ZHX2: variants seen among roughly 807,000 people sequenced by gnomAD.
The protein encoded by ZHX2 is zinc fingers and homeoboxes protein 2.
ZHX2 carries 6 observed loss-of-function variants against 21.9 expected under a neutral mutation model. That is an observed-to-expected ratio of 0.27 (90% CI 0.15 to 0.54). The LOEUF is 0.54. Among genes scored for constraint, ZHX2 ranks in the 20% least tolerant of loss-of-function variants. The probability of loss-of-function intolerance (pLI) is 0.95; values close to 1 mark genes in which losing one functional copy is unlikely to be tolerated. For synonymous variants in ZHX2, 434 were observed against 437.1 expected, an observed-to-expected ratio of 0.99 and a Z score of 0.09; for missense variants, 908 against 1,090.7, an observed-to-expected ratio of 0.83 and a Z score of 2.36.
intron 3 of ZHX2, among the ~76,000 whole-genome samples, chr8:122,965,881 C>T (rs1469074293): frequency 6.6e-6 from 1 of 152,040 alleles, no homozygotes; most frequent in Admixed American, 6.6e-5. Flanking sequence ...TATTGAACTA[C>T]TTCTTTTATC....
chr8:122,895,949 T>C (rs953814), intron 2 of ZHX2, among the ~76,000 whole-genome samples: 6 of 152,128 alleles, frequency 3.9e-5, no homozygotes, highest in Non-Finnish European at 8.8e-5. Context: ...TTGCAATCAG[T>C]GATTCATCAG....
At chr8:122,958,180 T>G (rs747722264) in intron 3 of ZHX2, among the ~76,000 whole-genome samples, 2 of 152,194 alleles carry the variant, frequency 1.3e-5, no homozygotes, top group Non-Finnish European at 2.9e-5. Flanking sequence ...ACCAAATCTC[T>G]CTAACCTCTG....
chr8:122,948,152 G>A (rs1294861776), intron 2 of ZHX2, among the ~76,000 whole-genome samples: 1 of 152,158 alleles, frequency 6.6e-6, no homozygotes, highest in African/African-American at 2.4e-5. Context: ...CCCTAAGCAG[G>A]TGGGCGTGGG....
At chr8:122,960,860 A>G (rs556060173) in intron 3 of ZHX2, among the ~76,000 whole-genome samples, 138 of 152,320 alleles carry the variant, frequency 9.1e-4, no homozygotes, top group African/African-American at 3.2e-3. Context: ...AGAAAGTTTG[A>G]TGCCCTCTGA....
At chr8:122,847,218 C>T (rs1640012057) in intron 1 of ZHX2, among the ~76,000 whole-genome samples, 1 of 152,124 alleles carries the variant, frequency 6.6e-6, no homozygotes, top group Admixed American at 6.5e-5. Context: ...GAAATTCTTC[C>T]GTCCTCTGTG....
chr8:122,873,429 C>T (rs2129714574), intron 2 of ZHX2, among the ~76,000 whole-genome samples: 1 of 152,320 alleles, frequency 6.6e-6, no homozygotes, highest in East Asian at 1.9e-4. Context: ...CTTCTCTCCA[C>T]TCCCCTGCAG....
At chr8:122,806,340 A>G (rs1817823345) in intron 1 of ZHX2, among the ~76,000 whole-genome samples, 1 of 152,168 alleles carries the variant, frequency 6.6e-6, no homozygotes, top group Non-Finnish European at 1.5e-5. Context: ...CTTGGCCCCT[A>G]CCCAATAGAG....
At chr8:122,972,221 T>C (rs912672305) in intron 3 of ZHX2, among the ~76,000 whole-genome samples, 1 of 152,234 alleles carries the variant, frequency 6.6e-6, no homozygotes, top group Admixed American at 6.5e-5. Flanking sequence ...TCACTTGATT[T>C]AACTGTGTTA....
chr8:122,796,354 GA>G (rs1351703365), intron 1 of ZHX2, among the ~76,000 whole-genome samples: 1 of 152,102 alleles, frequency 6.6e-6, no homozygotes. Flanking sequence ...TCATCCTCAA[GA>G]CACTGTCCTC....
At position 122,951,986 on chromosome 8, in the gene ZHX2, C is replaced by G. The variant is rs1385218494; in HGVS notation, c.476C>G (p.Thr159Ser). 1 of 1,613,696 alleles carries G rather than the reference C, an allele frequency of 6.2e-7. No homozygotes were observed. The highest frequency in any genetic ancestry group is 1.3e-5 in the African/African-American group (1 of 74,770). The change falls in exon 3 of 4, where the codon ACC (threonine) becomes AGC (serine). Residue 159 changes from threonine (T) to serine (S), a missense_variant. Coordinates refer to ENST00000314393, the MANE Select transcript of ZHX2 (RefSeq NM_014943.5). ...QTVLEQSIET[T>S]NHVVSITTSG... ...GTCTTGGAACAGTCCATCGAAACCA[C>G]CAACCATGTCGTGTCCATCACCACC...
At chr8:122,940,360 G>GA (rs1812811318) in intron 2 of ZHX2, among the ~76,000 whole-genome samples, 2 of 152,160 alleles carry the variant, frequency 1.3e-5, no homozygotes, top group African/African-American at 4.8e-5. Context: ...CGGGGCTCCC[G>GA]GTTCACATGG....
chr8:122,845,765 G>A (rs539570152), intron 1 of ZHX2, among the ~76,000 whole-genome samples: 1 of 152,260 alleles, frequency 6.6e-6, no homozygotes, highest in East Asian at 1.9e-4. Context: ...CCATTTCACA[G>A]GTAAGGAAAC....
At chr8:122,916,139 G>A (rs554609194) in intron 2 of ZHX2, among the ~76,000 whole-genome samples, 3 of 152,320 alleles carry the variant, frequency 2.0e-5, no homozygotes, top group Non-Finnish European at 2.9e-5. Context: ...CAGAGCATCC[G>A]CCTGGCTCTT....
At chr8:122,859,848 G>C (rs1375035048) in intron 1 of ZHX2, among the ~76,000 whole-genome samples, 1 of 152,188 alleles carries the variant, frequency 6.6e-6, no homozygotes, top group African/African-American at 2.4e-5. Flanking sequence ...GCATAGCACA[G>C]AATCAGATAT....
At chr8:122,799,350 C>T (rs1817673243) in intron 1 of ZHX2, among the ~76,000 whole-genome samples, 1 of 152,154 alleles carries the variant, frequency 6.6e-6, no homozygotes, top group African/African-American at 2.4e-5. Context: ...TGCTAAGTAG[C>T]CATGGAACCT....
rs531590610 is a variant in ZHX2 at position 122,868,556 on chromosome 8, C to A, written c.-220+5017C>A. Among the ~76,000 whole-genome samples, 8 of 152,122 alleles carry A rather than the reference C, an allele frequency of 5.3e-5. 1 individual carries two copies. In the South Asian group the frequency reaches 1.7e-3, roughly 32 times the overall value. On this transcript the variant is annotated intron_variant, in intron 2 of 3. Coordinates refer to ENST00000314393, the MANE Select transcript of ZHX2 (RefSeq NM_014943.5). ...CTCTACTAAAAATACAAAAAATTAG[C>A]CGGGCATGGTGGCAGGCACCTGTAG...
At chr8:122,862,841 G>A (rs937156487) in intron 1 of ZHX2, among the ~76,000 whole-genome samples, 1 of 152,196 alleles carries the variant, frequency 6.6e-6, no homozygotes, top group Non-Finnish European at 1.5e-5. Context: ...CATGTGCGCC[G>A]CAGGTGGCCT....
chr8:122,930,485 G>A (rs17369447), intron 2 of ZHX2, among the ~76,000 whole-genome samples: 4,314 of 151,972 alleles, frequency 0.028, 83 homozygotes, highest in South Asian at 0.041. Flanking sequence ...TTTTGCCTCC[G>A]TGGTGAAGGT....
chr8:122,939,167 C>T (rs1419788781), intron 2 of ZHX2, among the ~76,000 whole-genome samples: 1 of 152,246 alleles, frequency 6.6e-6, no homozygotes, highest in Non-Finnish European at 1.5e-5. Context: ...TCACTGGATA[C>T]TCTCAGCTGC....
Sources: gnomAD v4.1 joint callset for allele counts (sites outside exome capture counted in the v4.1 genomes callset) on GRCh38, gnomAD v4.1.1 for gene constraint, MANE v1.5 for transcripts, NCBI Gene and HGNC (gene_info 2026-07-23, HGNC 2026-07-21) for gene names.